Variants in STRN observed in about 807,000 individuals in gnomAD.
STRN encodes protein phosphatase 2 regulatory subunit B'''alpha.
In STRN, 53 loss-of-function variants were observed where a neutral mutation model predicts 96.3. The ratio of observed to expected loss-of-function variants is 0.55; its 90% CI spans 0.44 to 0.69. The LOEUF (loss-of-function observed/expected upper bound fraction) is 0.69, where lower values mean the gene tolerates loss of function less well. Among genes scored for constraint, STRN ranks in the 30% least tolerant of loss-of-function variants. The pLI is 0.00. For synonymous variants in STRN, 428 were observed against 355.9 expected (o/e 1.20, Z -2.28); for missense variants, 987 against 963.9 (o/e 1.02, Z -0.32).
intron 9 of STRN, among the ~76,000 whole-genome samples, chr2:36,881,207 A>G (rs971035030): frequency 1.4e-5 from 2 of 142,448 alleles, no homozygotes; most frequent in Admixed American, 1.5e-4. Flanking sequence ...AGCTCACTGC[A>G]ACCTCCGCCT....
intron 1 of STRN, among the ~76,000 whole-genome samples, chr2:36,939,150 G>C (rs1670778548): frequency 6.6e-6 from 1 of 151,790 alleles, no homozygotes; most frequent in Admixed American, 6.6e-5. Context: ...TACAGGTCAG[G>C]TCGATCTCCT....
intron 3 of STRN, among the ~76,000 whole-genome samples, chr2:36,914,074 C>T (rs1670030475): frequency 6.6e-6 from 1 of 152,112 alleles, no homozygotes; most frequent in African/African-American, 2.4e-5. Flanking sequence ...AACCTAACCT[C>T]AAACTCCTGA....
intron 1 of STRN, among the ~76,000 whole-genome samples, chr2:36,933,204 CTT>C (rs1235603559): frequency 1.3e-5 from 2 of 152,174 alleles, no homozygotes; most frequent in Middle Eastern, 3.4e-3. Flanking sequence ...AGTATAACAA[CTT>C]TTCACAGCAT....
At position 36,840,771 on chromosome 2, in the gene STRN, C is replaced by T. The variant is rs957731491; in HGVS notation, c.*8685G>A. On this transcript the variant is annotated 3_prime_UTR_variant, in exon 18 of 18. Coordinates refer to ENST00000263918, the MANE Select transcript of STRN (RefSeq NM_003162.4). ...TTTATTTTTGTAGGTGACAAATGAG[C>T]AATGCATAATATGCAAAATCTGGGT... 3 of 151,856 alleles carry T rather than the reference C, an allele frequency of 2.0e-5. No homozygotes were observed. The highest frequency in any genetic ancestry group is 4.8e-5 in the African/African-American group (2 of 41,316). 9.4% of individuals were successfully genotyped at this position (151,856 alleles called of 1,614,324 possible).
chr2:36,875,982 T>A (rs1364355477), intron 10 of STRN, among the ~76,000 whole-genome samples: 1 of 152,012 alleles, frequency 6.6e-6, no homozygotes, highest in Non-Finnish European at 1.5e-5. Flanking sequence ...TAAATCTTTA[T>A]CAGGTCAGGC....
chr2:36,945,982 C>T (rs888658349), intron 1 of STRN, among the ~76,000 whole-genome samples: 17 of 151,696 alleles, frequency 1.1e-4, no homozygotes, highest in African/African-American at 4.1e-4. Context: ...AAGGAAAAAC[C>T]CTGTAGCATG....
chr2:36,853,338 A>G (rs1354295819), intron 15 of STRN, among the ~76,000 whole-genome samples: 1 of 152,212 alleles, frequency 6.6e-6, no homozygotes, highest in East Asian at 1.9e-4. Context: ...GCAAGAGAAT[A>G]ACAGTAACAA....
At chr2:36,885,586 T>C (rs1299134135) in intron 8 of STRN, among the ~76,000 whole-genome samples, 2 of 152,154 alleles carry the variant, frequency 1.3e-5, no homozygotes, top group African/African-American at 4.8e-5. Context: ...CATTATGTAA[T>C]GGTTTAACAT....
intron 6 of STRN, among the ~76,000 whole-genome samples, chr2:36,896,111 A>G (rs1214657911): frequency 6.6e-6 from 1 of 152,150 alleles, no homozygotes; most frequent in Non-Finnish European, 1.5e-5. Context: ...AACATCTTAC[A>G]GAGTCCTCGT....
intron 8 of STRN, among the ~76,000 whole-genome samples, chr2:36,884,867 A>G (rs185375159): frequency 2.6e-5 from 4 of 152,144 alleles, no homozygotes; most frequent in African/African-American, 9.7e-5. Flanking sequence ...AATGCTTTAT[A>G]TATCAATTCA....
At chr2:36,962,736 T>C (rs1033555448) in intron 1 of STRN, among the ~76,000 whole-genome samples, 1 of 152,168 alleles carries the variant, frequency 6.6e-6, no homozygotes, top group Non-Finnish European at 1.5e-5. Flanking sequence ...CTCGATATCT[T>C]GACCTCACGA....
intron 3 of STRN, among the ~76,000 whole-genome samples, chr2:36,911,379 A>C (rs569127800): frequency 1.7e-4 from 26 of 152,014 alleles, no homozygotes; most frequent in Middle Eastern, 6.8e-3. Context: ...TTTTTCCCTA[A>C]ATTTGCTAGT....
intron 16 of STRN, among the ~76,000 whole-genome samples, chr2:36,850,079 G>A (rs1052316741): frequency 2.0e-5 from 3 of 152,184 alleles, no homozygotes; most frequent in African/African-American, 7.2e-5. Context: ...AGCCACGTTT[G>A]TTAATTAGAA....
At chr2:36,852,990 C>G (rs1019631471) in intron 15 of STRN, among the ~76,000 whole-genome samples, 1 of 152,148 alleles carries the variant, frequency 6.6e-6, no homozygotes, top group African/African-American at 2.4e-5. Flanking sequence ...AACTCTGTCT[C>G]TACGCAAAAT....
intron 1 of STRN, among the ~76,000 whole-genome samples, chr2:36,951,263 T>C (rs1440582780): frequency 3.3e-5 from 5 of 152,302 alleles, no homozygotes; most frequent in Non-Finnish European, 7.4e-5. Context: ...TACTCACAAC[T>C]ACCAAAACCC....
chr2:36,879,612 T>C (rs1669014799), intron 9 of STRN, among the ~76,000 whole-genome samples: 1 of 152,246 alleles, frequency 6.6e-6, no homozygotes, highest in Non-Finnish European at 1.5e-5. Context: ...TGCAATTTGT[T>C]CTGACAAACG....
At chr2:36,876,158 T>A (rs1668904405) in intron 10 of STRN, among the ~76,000 whole-genome samples, 1 of 150,474 alleles carries the variant, frequency 6.6e-6, no homozygotes, top group East Asian at 1.9e-4. Context: ...TGGTCCCAGC[T>A]ACTTGGGAGG....
chr2:36,940,145 A>C (rs1433164612), intron 1 of STRN, among the ~76,000 whole-genome samples: 1 of 152,264 alleles, frequency 6.6e-6, no homozygotes, highest in Non-Finnish European at 1.5e-5. Context: ...ATTACTGAAG[A>C]AATGAACATT....
intron 2 of STRN, among the ~76,000 whole-genome samples, chr2:36,919,744 C>A (rs2148223596): frequency 6.6e-6 from 1 of 152,158 alleles, no homozygotes; most frequent in South Asian, 2.1e-4. Flanking sequence ...TAAGTTACTA[C>A]AGTAGGGTAG....
Sources: gnomAD v4.1 joint callset for allele counts (sites outside exome capture counted in the v4.1 genomes callset) on GRCh38, gnomAD v4.1.1 for gene constraint, MANE v1.5 for transcripts, NCBI Gene and HGNC (gene_info 2026-07-23, HGNC 2026-07-21) for gene names.